NCKAP5: variants seen among roughly 807,000 people sequenced by gnomAD.
The protein encoded by NCKAP5 is nck-associated protein 5.
NCKAP5 carries 92 observed loss-of-function variants against 167.0 expected under a neutral mutation model. That is an observed-to-expected ratio of 0.55 (90% CI 0.47 to 0.66). The LOEUF (loss-of-function observed/expected upper bound fraction) is 0.66, where lower values mean the gene tolerates loss of function less well. Among genes scored for constraint, NCKAP5 ranks in the 30% least tolerant of loss-of-function variants. The pLI, the probability that NCKAP5 is intolerant of heterozygous loss-of-function variation, is 0.00. For missense variants in NCKAP5, 2,378 were observed against 2,315.0 expected (o/e 1.03, Z -0.56); for synonymous variants, 891 against 877.4 (o/e 1.02, Z -0.27).
At chr2:133,647,749 G>GAAGGAAGGAAGGAAGGAAGGAAGC in the NCKAP5 span, among the ~76,000 whole-genome samples, 1 of 139,070 alleles carries the variant, frequency 7.2e-6, no homozygotes. Context: ...AGGAAGGAAG[G>GAAGGAAGGAAGGAAGGAAGGAAGC]AAAGAAAAGA....
intron 5 of NCKAP5, among the ~76,000 whole-genome samples, chr2:133,203,918 CT>C (rs1490111140): frequency 6.6e-6 from 1 of 152,148 alleles, no homozygotes; most frequent in African/African-American, 2.4e-5. Context: ...AGAATTTTAT[CT>C]CTTTACAAGT....
the NCKAP5 span, among the ~76,000 whole-genome samples, chr2:133,621,716 T>C: frequency 3.3e-5 from 5 of 152,100 alleles, no homozygotes; most frequent in South Asian, 1.0e-3. Flanking sequence ...CAAACAAGAA[T>C]TGGTAACAAT....
At chr2:132,938,932 A>G (rs1697060476) in intron 8 of NCKAP5, among the ~76,000 whole-genome samples, 1 of 152,148 alleles carries the variant, frequency 6.6e-6, no homozygotes, top group South Asian at 2.1e-4. Context: ...CAGCTGCAAC[A>G]TTCAAATGTT....
chr2:133,643,262 C>T, the NCKAP5 span, among the ~76,000 whole-genome samples: 8 of 152,168 alleles, frequency 5.3e-5, no homozygotes, highest in Admixed American at 2.6e-4. Context: ...AAAGAAATAT[C>T]AACATGTAAG....
intron 8 of NCKAP5, among the ~76,000 whole-genome samples, chr2:132,881,698 C>G (rs1388479562): frequency 1.3e-5 from 2 of 151,970 alleles, no homozygotes; most frequent in Admixed American, 1.3e-4. Context: ...TGCATCATAG[C>G]AGCCACGTGA....
the NCKAP5 span, among the ~76,000 whole-genome samples, chr2:133,665,872 T>TTATA: frequency 6.6e-6 from 1 of 152,148 alleles, no homozygotes; most frequent in African/African-American, 2.4e-5. Flanking sequence ...CTTATGAATA[T>TTATA]AGCATTTTTG....
At chr2:132,797,424 G>A (rs1367932203) in intron 11 of NCKAP5, among the ~76,000 whole-genome samples, 1 of 152,142 alleles carries the variant, frequency 6.6e-6, no homozygotes, top group African/African-American at 2.4e-5. Context: ...AGGCTTTTCT[G>A]TGGACATTAA....
At chr2:133,269,678 C>T (rs931680281) in intron 4 of NCKAP5, among the ~76,000 whole-genome samples, 2 of 152,116 alleles carry the variant, frequency 1.3e-5, no homozygotes, top group African/African-American at 2.4e-5. Context: ...CAAATGACAG[C>T]GGAGGACACA....
chr2:132,932,085 C>T (rs1211373878), intron 8 of NCKAP5, among the ~76,000 whole-genome samples: 1 of 152,178 alleles, frequency 6.6e-6, no homozygotes, highest in Non-Finnish European at 1.5e-5. Context: ...CACTGGTAAT[C>T]ACCTATTACA....
intron 9 of NCKAP5, among the ~76,000 whole-genome samples, chr2:132,871,344 A>C (rs1365737131): frequency 1.3e-5 from 2 of 152,226 alleles, no homozygotes; most frequent in African/African-American, 2.4e-5. Flanking sequence ...AAACAGAAGA[A>C]TCGAACTATT....
chr2:133,451,463 C>A (rs945392988), intron 3 of NCKAP5, among the ~76,000 whole-genome samples: 2 of 152,206 alleles, frequency 1.3e-5, no homozygotes, highest in Admixed American at 1.3e-4. Flanking sequence ...TCATTTTCTG[C>A]TGAAAAGTGA....
intron 3 of NCKAP5, among the ~76,000 whole-genome samples, chr2:133,427,600 T>C (rs941190388): frequency 1.3e-5 from 2 of 152,154 alleles, no homozygotes; most frequent in African/African-American, 4.8e-5. Context: ...AAAGAAATTC[T>C]AATTTCAGTT....
the NCKAP5 span, among the ~76,000 whole-genome samples, chr2:133,632,466 C>T: frequency 1.3e-5 from 2 of 152,218 alleles, no homozygotes; most frequent in African/African-American, 2.4e-5. Flanking sequence ...TCTTAAGTAA[C>T]TTGGGTCAAT....
At chr2:133,553,123 A>C (rs1687486617) in intron 2 of NCKAP5, among the ~76,000 whole-genome samples, 1 of 152,198 alleles carries the variant, frequency 6.6e-6, no homozygotes, top group African/African-American at 2.4e-5. Flanking sequence ...AAAATAAATA[A>C]AAAGTAAACG....
At chr2:133,341,797 G>A (rs999895816) in intron 3 of NCKAP5, among the ~76,000 whole-genome samples, 10 of 152,196 alleles carry the variant, frequency 6.6e-5, no homozygotes, top group African/African-American at 2.4e-4. Context: ...ACCTGGGACA[G>A]AGCCTGGACT....
At chr2:133,325,167 GCA>G (rs1373464826) in intron 3 of NCKAP5, among the ~76,000 whole-genome samples, 1 of 152,146 alleles carries the variant, frequency 6.6e-6, no homozygotes, top group Non-Finnish European at 1.5e-5. Flanking sequence ...AGGGAGGAAG[GCA>G]CTGGAATGCA....
At chr2:132,923,465 CAT>C (rs1695600580) in intron 8 of NCKAP5, among the ~76,000 whole-genome samples, 1 of 152,148 alleles carries the variant, frequency 6.6e-6, no homozygotes, top group Non-Finnish European at 1.5e-5. Context: ...AGCTTAACAA[CAT>C]GTGAAATTTT....
chr2:133,447,445 T>TTC (rs1222328081), intron 3 of NCKAP5, among the ~76,000 whole-genome samples: 1 of 151,344 alleles, frequency 6.6e-6, no homozygotes, highest in Non-Finnish European at 1.5e-5. Context: ...TCCTTTTTTC[T>TTC]TCTCTCTCTC....
rs147285044 is a variant in NCKAP5 at position 133,289,686 on chromosome 2, G to A, written c.143+13351C>T. Among the ~76,000 whole-genome samples the A allele has an allele frequency of 4.8e-3, 725 of 151,266 alleles. 5 individuals carry two copies. The highest frequency in any genetic ancestry group is 7.5e-3 in the Non-Finnish European group (509 of 67,876). On this transcript the variant is annotated intron_variant, in intron 4 of 19. Transcript: ENST00000409261. ...AGCCTGGGCAACAGAACAAGAGTCC[G>A]TCTCCAAAAAAAATAAAAACAAACA...
Sources: gnomAD v4.1 joint callset for allele counts (sites outside exome capture counted in the v4.1 genomes callset) on GRCh38, gnomAD v4.1.1 for gene constraint, MANE v1.5 for transcripts, NCBI Gene and HGNC (gene_info 2026-07-23, HGNC 2026-07-21) for gene names.